RNF130: variants seen among roughly 807,000 people sequenced by gnomAD.
RNF130 encodes the protein E3 ubiquitin-protein ligase RNF130.
Under a neutral mutation model 44.6 loss-of-function variants are expected in RNF130, and 21 were observed. The ratio of observed to expected loss-of-function variants is 0.47; its 90% CI spans 0.33 to 0.68. The LOEUF is 0.68. Among genes scored for constraint, RNF130 ranks in the 30% least tolerant of loss-of-function variants. The probability of loss-of-function intolerance (pLI) is 0.02; values close to 1 mark genes in which losing one functional copy is unlikely to be tolerated. For missense variants in RNF130, 479 were observed against 560.6 expected (o/e 0.85, Z 1.47); for synonymous variants, 214 against 210.4 (o/e 1.02, Z -0.15).
chr5:179,997,125 GTTTTT>G (rs962145335), intron 3 of RNF130, among the ~76,000 whole-genome samples: 3 of 151,896 alleles, frequency 2.0e-5, no homozygotes, highest in Non-Finnish European at 4.4e-5. Context: ...CATTTGTATT[GTTTTT>G]TAGTCTTTTT....
intron 3 of RNF130, among the ~76,000 whole-genome samples, chr5:179,982,440 G>T (rs1269485320): frequency 6.6e-6 from 1 of 152,002 alleles, no homozygotes; most frequent in East Asian, 1.9e-4. Flanking sequence ...ATAGTTGTCT[G>T]ACTTTTATTT....
exon 8 of RNF130, chr5:179,914,610 T>G (rs998223885): frequency 2.0e-5 from 3 of 151,838 alleles, no homozygotes; most frequent in African/African-American, 7.3e-5. Flanking sequence ...CTCCAGCGCA[T>G]GGGAGGGTAT....
At position 179,966,703 on chromosome 5, in the gene RNF130, G is replaced by C. The variant is rs536226445; in HGVS notation, c.1150+103C>G. The C allele has an allele frequency of 1.1e-4, 107 of 946,388 alleles. 2 individuals carry two copies. In the South Asian group the frequency reaches 1.5e-3, roughly 13 times the overall value. The allele number at this position is 946,388 out of a possible 1,614,324, so 58.6% of individuals were successfully genotyped here. A position where few individuals can be genotyped will look rare whatever the true frequency, so the allele number is the denominator to read the frequency against. On this transcript the variant is annotated intron_variant, in intron 7 of 8. Transcript: ENST00000521389. ...AACACACATCACTTTCTTGGTTACA[G>C]TCTGTGTTGCAGGCTGAGGCGAGTG...
intron 7 of RNF130, among the ~76,000 whole-genome samples, chr5:179,929,531 T>C (rs1419261279): frequency 6.6e-6 from 1 of 152,142 alleles, no homozygotes; most frequent in Non-Finnish European, 1.5e-5. Context: ...GAGGACTGCT[T>C]GAGCCCAGGA....
At chr5:180,020,917 C>T (rs543043503) in intron 2 of RNF130, among the ~76,000 whole-genome samples, 38 of 152,258 alleles carry the variant, frequency 2.5e-4, no homozygotes, top group Non-Finnish European at 4.9e-4. Context: ...TACTGATCCT[C>T]TCAACTGAGT....
intron 2 of RNF130, among the ~76,000 whole-genome samples, chr5:180,032,806 T>C (rs1307311929): frequency 2.0e-5 from 3 of 152,190 alleles, no homozygotes; most frequent in African/African-American, 7.2e-5. Context: ...TCTAGGTACT[T>C]TGCATTTCCA....
At chr5:180,003,688 A>T (rs938275185) in intron 3 of RNF130, among the ~76,000 whole-genome samples, 4 of 151,890 alleles carry the variant, frequency 2.6e-5, no homozygotes, top group Admixed American at 6.6e-5. Context: ...AAAAGCCACT[A>T]TTTTTTTAAA....
At chr5:180,038,532 T>G (rs1457905368) in intron 2 of RNF130, among the ~76,000 whole-genome samples, 1 of 151,958 alleles carries the variant, frequency 6.6e-6, no homozygotes, top group Non-Finnish European at 1.5e-5. Flanking sequence ...GACCCAAAAA[T>G]GTTAATAAGT....
At chr5:180,007,988 G>GTTTTT (rs371751598) in intron 3 of RNF130, among the ~76,000 whole-genome samples, 4 of 129,856 alleles carry the variant, frequency 3.1e-5, no homozygotes, top group Non-Finnish European at 4.8e-5. Context: ...AAATCTTTTA[G>GTTTTT]TTTTTTTTTT....
chr5:180,023,263 A>C (rs1763913019), intron 2 of RNF130, among the ~76,000 whole-genome samples: 2 of 152,254 alleles, frequency 1.3e-5, no homozygotes, highest in South Asian at 4.1e-4. Flanking sequence ...GAGTTAGGAT[A>C]CACGCATGTA....
chr5:180,066,444 T>C (rs547907715), intron 1 of RNF130, among the ~76,000 whole-genome samples: 3 of 152,296 alleles, frequency 2.0e-5, no homozygotes, highest in Admixed American at 6.5e-5. Context: ...CAGACTAATA[T>C]ACCTTCCCAA....
chr5:180,029,560 A>T lies in RNF130; in HGVS notation c.442+10893T>A, dbSNP rs897027175. The stretch of plus-strand genomic sequence containing the variant: ...TTCACAAATTCCCAAACAAAATGGC[A>T]TTTTTACTAATCTTAAAAATAAAAG... On this transcript the variant is annotated intron_variant, in intron 2 of 8. Transcript: ENST00000521389. Among the ~76,000 whole-genome samples, 7 of 152,224 alleles carry T rather than the reference A, an allele frequency of 4.6e-5. No homozygotes were observed. In the East Asian group the frequency reaches 1.3e-3, roughly 29 times the overall value.
At chr5:179,948,664 G>C (rs1443573877) in intron 7 of RNF130, among the ~76,000 whole-genome samples, 2 of 152,122 alleles carry the variant, frequency 1.3e-5, no homozygotes, top group Non-Finnish European at 2.9e-5. Flanking sequence ...GATAGAGCGA[G>C]ACTCTGTCTC....
intron 1 of RNF130, 68 bp downstream of exon 1, chr5:180,071,388 G>C (rs1020775395): frequency 2.8e-5 from 34 of 1,219,610 alleles, no homozygotes; most frequent in Non-Finnish European, 3.3e-5. Context: ...CCGGGGCCGG[G>C]AACCCTAGTC....
At chr5:179,990,161 T>A (rs551955145) in intron 3 of RNF130, among the ~76,000 whole-genome samples, 10 of 152,004 alleles carry the variant, frequency 6.6e-5, no homozygotes, top group African/African-American at 2.4e-4. Context: ...CGGAGACCAG[T>A]AGTGGCCCCG....
At position 179,973,987 on chromosome 5, in the gene RNF130, T is replaced by C. The variant is rs374557846; in HGVS notation, c.849-3481A>G. 3.3e-5 allele frequency among the ~76,000 whole-genome samples: 5 copies of C among 152,172 alleles called. No individual in the cohort carries two copies. The East Asian group carries it at 9.6e-4, about 29-fold the overall frequency. ...AAATTCAGCGCCCTCCCCTTTCCTA[T>C]GTCCCACACATGCCATGAACTAGAG... On this transcript the variant is annotated intron_variant, in intron 5 of 8. Coordinates refer to ENST00000521389, the MANE Select transcript of RNF130 (RefSeq NM_018434.6).
chr5:180,005,246 G>A (rs781677495), intron 3 of RNF130, among the ~76,000 whole-genome samples: 13 of 152,130 alleles, frequency 8.5e-5, no homozygotes, highest in Non-Finnish European at 1.8e-4. Context: ...TGGCCAACAT[G>A]GCGAAACCCC....
intron 7 of RNF130, among the ~76,000 whole-genome samples, chr5:179,934,869 T>C (rs1761866186): frequency 1.3e-5 from 2 of 152,116 alleles, no homozygotes; most frequent in African/African-American, 4.8e-5. Flanking sequence ...TTTTTTTCTA[T>C]TGTATATTTG....
chr5:180,068,095 C>T (rs551642191), intron 1 of RNF130, among the ~76,000 whole-genome samples: 1 of 152,228 alleles, frequency 6.6e-6, no homozygotes, highest in South Asian at 2.1e-4. Flanking sequence ...AAGAAGTGGC[C>T]GATACTAAAC....
Sources: gnomAD v4.1 joint callset for allele counts (sites outside exome capture counted in the v4.1 genomes callset) on GRCh38, gnomAD v4.1.1 for gene constraint, MANE v1.5 for transcripts, NCBI Gene and HGNC (gene_info 2026-07-23, HGNC 2026-07-21) for gene names.